Variants in MCM5 observed in about 807,000 individuals in gnomAD.
The protein encoded by MCM5 is DNA replication licensing factor MCM5.
MCM5 carries 46 observed loss-of-function variants against 79.9 expected under a neutral mutation model. That is an observed-to-expected ratio of 0.58 (90% confidence interval 0.45 to 0.74). MCM5 has a LOEUF of 0.74. Among genes scored for constraint, MCM5 ranks in the 30% least tolerant of loss-of-function variants. The pLI is 0.00. For missense variants in MCM5, 883 were observed against 1,017.0 expected, an observed-to-expected ratio of 0.87 and a Z score of 1.79; for synonymous variants, 404 against 390.5, an observed-to-expected ratio of 1.03 and a Z score of -0.41.
In MCM5 at chr22:35,410,747, C is replaced by T; in HGVS notation, c.756C>T (p.Tyr252=). The T allele has an allele frequency of 5.0e-6, 8 of 1,613,962 alleles. No individual in the cohort carries two copies. The South Asian group carries it at 8.8e-5, about 18-fold the overall frequency. Reference sequence around the variant, plus strand: ...TTCTCCTCTACCCTCCTCTCAGGTACCTGTGTGACAAGGTCGTCCCTGGGA... The same window carrying T: ...TTCTCCTCTACCCTCCTCTCAGGTATCTGTGTGACAAGGTCGTCCCTGGGA... The part of the protein sequence containing the change: ...PRHMQLYCDR[Y]LCDKVVPGNR... Residue 252 remains tyrosine, a synonymous_variant, in exon 7 of 17, where the codon TAC becomes TAT. Coordinates refer to ENST00000216122, the MANE Select transcript of MCM5 (RefSeq NM_006739.4).
At chr22:35,413,291 G>T (rs563033994) in intron 8 of MCM5, among the ~76,000 whole-genome samples, 1 of 152,216 alleles carries the variant, frequency 6.6e-6, no homozygotes, top group Non-Finnish European at 1.5e-5. Context: ...TGATCCGCCC[G>T]CCTCGGCCTC....
chr22:35,406,876 G>A, intron 5 of MCM5, 151 bp downstream of exon 5: 1 of 763,712 alleles, frequency 1.3e-6, no homozygotes, highest in South Asian at 1.8e-5. Context: ...GCACAGATCT[G>A]ATGCCCTGTG....
chr22:35,446,457 C>A, the MCM5 span, among the ~76,000 whole-genome samples: 1 of 152,266 alleles, frequency 6.6e-6, no homozygotes, highest in Middle Eastern at 3.4e-3. Context: ...TCTAGTACCC[C>A]CATCGCTGTA....
the MCM5 span, among the ~76,000 whole-genome samples, chr22:35,435,750 G>A: frequency 1.3e-5 from 2 of 152,216 alleles, no homozygotes; most frequent in East Asian, 3.9e-4. Context: ...TGGCCTTGGA[G>A]GCGGAGGCCT....
At chr22:35,423,421 A>T in intron 16 of MCM5, 80 bp downstream of exon 16, 1 of 1,465,760 alleles carries the variant, frequency 6.8e-7, no homozygotes, top group Non-Finnish European at 9.2e-7. Context: ...CAGCACTGGC[A>T]TCTTACTCAG....
chr22:35,453,683 A>AAGACAGGGAGAGAGAGAGAGACAAAAGGC, the MCM5 span, among the ~76,000 whole-genome samples: 1 of 151,066 alleles, frequency 6.6e-6, no homozygotes, highest in South Asian at 2.1e-4. Context: ...CAGAGACAGA[A>AAGACAGGGAGAGAGAGAGAGACAAAAGGC]AGACAGGGAG....
At chr22:35,440,513 C>T in the MCM5 span, among the ~76,000 whole-genome samples, 4 of 152,134 alleles carry the variant, frequency 2.6e-5, no homozygotes, top group East Asian at 3.8e-4. Context: ...GGAGGAGGTA[C>T]GGACCCTGCC....
chr22:35,435,025 C>T, the MCM5 span, among the ~76,000 whole-genome samples: 1 of 152,180 alleles, frequency 6.6e-6, no homozygotes. Flanking sequence ...GTGGCAGGTG[C>T]CTGTAGTCCC....
the MCM5 span, among the ~76,000 whole-genome samples, chr22:35,452,943 T>C: frequency 3.9e-5 from 6 of 151,908 alleles, no homozygotes; most frequent in African/African-American, 1.2e-4. Context: ...GAGAGGAAAG[T>C]GCCGCTATCC....
chr22:35,407,299 A>G (rs1198026586), intron 5 of MCM5, among the ~76,000 whole-genome samples: 1 of 152,126 alleles, frequency 6.6e-6, no homozygotes, highest in African/African-American at 2.4e-5. Flanking sequence ...CCTGTGGCAC[A>G]GCTGCCTCAT....
the MCM5 span, among the ~76,000 whole-genome samples, chr22:35,448,113 C>T: frequency 1.3e-5 from 2 of 152,144 alleles, no homozygotes; most frequent in African/African-American, 2.4e-5. Context: ...AAAATGAGAC[C>T]GGAAACAAGG....
the MCM5 span, among the ~76,000 whole-genome samples, chr22:35,436,460 T>C: frequency 7.9e-5 from 12 of 152,214 alleles, no homozygotes; most frequent in Admixed American, 3.9e-4. Flanking sequence ...CAAGGCTTTA[T>C]TGAAAGCTGG....
chr22:35,416,021 T>G (rs1158515941), intron 10 of MCM5, 49 bp downstream of exon 10: 2 of 1,591,680 alleles, frequency 1.3e-6, no homozygotes, highest in African/African-American at 1.3e-5. Flanking sequence ...GGCACCAGGG[T>G]ATGTGACTTC....
the MCM5 span, among the ~76,000 whole-genome samples, chr22:35,448,893 G>A: frequency 6.6e-6 from 1 of 152,166 alleles, no homozygotes. Flanking sequence ...TTGTCCCATG[G>A]TGGTGGCAGA....
chr22:35,408,515 C>G lies in MCM5; in HGVS notation c.704C>G (p.Ala235Gly), dbSNP rs1301063170. 2 of 1,614,036 alleles carry G rather than the reference C, an allele frequency of 1.2e-6. No homozygotes were observed. Among genetic ancestry groups the G allele is most frequent in the Admixed American group, 1.7e-5 (1 of 60,010 alleles). Reference sequence around the variant, plus strand: ...CTGAAGCTGCAGGAGCTGCCTGATGCAGTCCCCCACGGGGAGATGCCCAGA... The same window carrying G: ...CTGAAGCTGCAGGAGCTGCCTGATGGAGTCCCCCACGGGGAGATGCCCAGA... ...QTLKLQELPDAVPHGEMPRHM... is the reference protein window; with the variant it reads ...QTLKLQELPDGVPHGEMPRHM... Residue 235 changes from alanine (A) to glycine (G), a missense_variant, in exon 6 of 17, where the codon GCA becomes GGA. Physicochemically the swap from Ala to Gly is moderately conservative, Grantham distance 60. Coordinates refer to ENST00000216122, the MANE Select transcript of MCM5 (RefSeq NM_006739.4).
chr22:35,432,917 T>A, the MCM5 span, among the ~76,000 whole-genome samples: 2 of 152,044 alleles, frequency 1.3e-5, no homozygotes, highest in Non-Finnish European at 2.9e-5. Context: ...CCCTAGGTTG[T>A]CTCTGTCCCA....
the MCM5 span, among the ~76,000 whole-genome samples, chr22:35,452,984 G>C: frequency 2.0e-5 from 3 of 152,282 alleles, no homozygotes; most frequent in East Asian, 5.8e-4. Context: ...CTGAGGCTGG[G>C]AGGCATGGAG....
At chr22:35,431,375 G>A in the MCM5 span, among the ~76,000 whole-genome samples, 1 of 152,216 alleles carries the variant, frequency 6.6e-6, no homozygotes, top group South Asian at 2.1e-4. Context: ...CAGTCTCTGA[G>A]AATCAGTCTG....
chr22:35,454,681 C>G, the MCM5 span, among the ~76,000 whole-genome samples: 1 of 152,172 alleles, frequency 6.6e-6, no homozygotes, highest in Non-Finnish European at 1.5e-5. Flanking sequence ...GACCTTCTGC[C>G]GGACAGTGCT....
Sources: allele counts gnomAD v4.1 joint callset (sites outside exome capture counted in the v4.1 genomes callset), GRCh38; gene constraint gnomAD v4.1.1; transcripts MANE v1.5; gene names NCBI Gene and HGNC (gene_info 2026-07-23, HGNC 2026-07-21).